Variants in DRD2 observed in about 807,000 individuals in gnomAD.
DRD2 encodes dopamine receptor D2.
Under a neutral mutation model 38.0 loss-of-function variants are expected in DRD2, and 8 were observed. That is an observed-to-expected ratio of 0.21 (90% CI 0.12 to 0.38). DRD2 has a LOEUF of 0.38. Among genes scored for constraint, DRD2 ranks in the 10% least tolerant of loss-of-function variants. The probability of loss-of-function intolerance (pLI) is 1.00; values close to 1 mark genes in which losing one functional copy is unlikely to be tolerated. For synonymous variants in DRD2, 230 were observed against 238.6 expected, an observed-to-expected ratio of 0.96 and a Z score of 0.33; for missense variants, 403 against 607.7, an observed-to-expected ratio of 0.66 and a Z score of 3.54.
chr11:113,438,865 T>C lies in DRD2; in HGVS notation c.-31-14183A>G, dbSNP rs900318562. 2.6e-5 allele frequency among the ~76,000 whole-genome samples: 4 copies of C among 152,206 alleles called. 1 individual carries two copies. The highest frequency in any genetic ancestry group is 4.8e-5 in the African/African-American group (2 of 41,452). ...TCAGGTATCATGCAATCATCAGCAC[T>C]GCATTATTATTGTCTCACTGTGTGG... On this transcript the variant is annotated intron_variant, in intron 1 of 7. Transcript: ENST00000362072.
intron 1 of DRD2, among the ~76,000 whole-genome samples, chr11:113,458,645 T>TTGTG (rs1212486452): frequency 6.6e-6 from 1 of 152,196 alleles, no homozygotes; most frequent in African/African-American, 2.4e-5. Context: ...GCTTTGATTA[T>TTGTG]TGTGTGTGTG....
chr11:113,414,787 T>A (rs1345683646), intron 5 of DRD2, among the ~76,000 whole-genome samples: 1 of 152,160 alleles, frequency 6.6e-6, no homozygotes, highest in Non-Finnish European at 1.5e-5. Context: ...ATTTAACAGA[T>A]GAGGAAACAG....
intron 1 of DRD2, among the ~76,000 whole-genome samples, chr11:113,428,310 C>T (rs1161317808): frequency 6.6e-6 from 1 of 152,224 alleles, no homozygotes; most frequent in Admixed American, 6.5e-5. Context: ...CCCCACAGGG[C>T]ACCCTGCCAG....
intron 1 of DRD2, among the ~76,000 whole-genome samples, chr11:113,429,796 A>T (rs889750441): frequency 2.0e-5 from 3 of 152,228 alleles, no homozygotes; most frequent in African/African-American, 7.2e-5. Context: ...TCCCAACTCT[A>T]CCATTTACTA....
chr11:113,413,868 C>T (rs1200258896), intron 6 of DRD2: 1 of 241,398 alleles, frequency 4.1e-6, no homozygotes, highest in Admixed American at 5.0e-5. Context: ...TCTGCTGCGT[C>T]CTACCCCAGA....
chr11:113,423,149 TG>T (rs1422322143), intron 2 of DRD2, among the ~76,000 whole-genome samples: 1 of 152,224 alleles, frequency 6.6e-6, no homozygotes, highest in Non-Finnish European at 1.5e-5. Context: ...TCGCTGGCTC[TG>T]AAGGTGTCTT....
chr11:113,436,426 A>G (rs911132656), intron 1 of DRD2, among the ~76,000 whole-genome samples: 1 of 152,250 alleles, frequency 6.6e-6, no homozygotes, highest in African/African-American at 2.4e-5. Flanking sequence ...TGATTCAAAG[A>G]AACCAATTTT....
intron 1 of DRD2, among the ~76,000 whole-genome samples, chr11:113,435,834 A>T (rs956663123): frequency 2.0e-5 from 3 of 152,178 alleles, no homozygotes; most frequent in Admixed American, 6.5e-5. Context: ...CTTTAATTTC[A>T]GGAAAGAATT....
At chr11:113,458,898 G>A (rs1951291501) in intron 1 of DRD2, among the ~76,000 whole-genome samples, 1 of 152,138 alleles carries the variant, frequency 6.6e-6, no homozygotes, top group Non-Finnish European at 1.5e-5. Flanking sequence ...ACATGCTGGG[G>A]GCAGCGATGG....
At chr11:113,441,443 T>C (rs1451886914) in intron 1 of DRD2, among the ~76,000 whole-genome samples, 1 of 152,194 alleles carries the variant, frequency 6.6e-6, no homozygotes, top group African/African-American at 2.4e-5. Flanking sequence ...TGGGCTCACA[T>C]AGCATTGTTG....
intron 1 of DRD2, among the ~76,000 whole-genome samples, chr11:113,427,499 C>A (rs1243917319): frequency 6.6e-6 from 1 of 152,110 alleles, no homozygotes; most frequent in Non-Finnish European, 1.5e-5. Context: ...TTGCTCATTC[C>A]TCCTCTTGTT....
intron 1 of DRD2, among the ~76,000 whole-genome samples, chr11:113,451,490 A>ATTAT (rs962625846): frequency 9.2e-5 from 14 of 151,856 alleles, no homozygotes; most frequent in African/African-American, 2.9e-4. Flanking sequence ...TCTTTTATTT[A>ATTAT]TTATTTATTT....
chr11:113,436,177 C>T (rs542566123), intron 1 of DRD2, among the ~76,000 whole-genome samples: 1 of 152,196 alleles, frequency 6.6e-6, no homozygotes, highest in South Asian at 2.1e-4. Context: ...TTGAGGACTC[C>T]CACACAAATA....
At chr11:113,473,843 A>G (rs1252264447) in intron 1 of DRD2, among the ~76,000 whole-genome samples, 5 of 152,236 alleles carry the variant, frequency 3.3e-5, no homozygotes, top group African/African-American at 4.8e-5. Flanking sequence ...AGTGGTCCTA[A>G]TGCTGCAGGA....
intron 1 of DRD2, among the ~76,000 whole-genome samples, chr11:113,468,063 G>C (rs972747756): frequency 6.6e-6 from 1 of 152,170 alleles, no homozygotes; most frequent in Non-Finnish European, 1.5e-5. Context: ...AATCATTACA[G>C]TTAACATTTA....
rs1278872016 is a variant in DRD2, at chr11:113,412,821, C to T, written c.873G>A (p.Glu291=). 1.2e-6 allele frequency: 2 copies of T among 1,613,220 alleles called. No homozygotes were observed. Among genetic ancestry groups the T allele is most frequent in the Non-Finnish European group, 1.7e-6 (2 of 1,179,780 alleles). The part of the protein sequence containing the change: ...MEMLSSTSPP[E]RTRYSPIPPS... ...GTGGGATGGGGCTGTACCGGGTCCTCTCGGGTGGGCTGGTGCTGGAGAGCA... is the reference window on the plus strand; with the variant it reads ...GTGGGATGGGGCTGTACCGGGTCCTTTCGGGTGGGCTGGTGCTGGAGAGCA... Residue 291 remains glutamate (E), a synonymous_variant, in exon 7 of 8, where the codon GAG becomes GAA. Coordinates refer to ENST00000362072, the MANE Select transcript of DRD2 (RefSeq NM_000795.4).
chr11:113,452,479 C>CGT (rs1488511809), intron 1 of DRD2, among the ~76,000 whole-genome samples: 18 of 121,050 alleles, frequency 1.5e-4, no homozygotes, highest in South Asian at 5.7e-4. Flanking sequence ...TGCGCGCGCG[C>CGT]GCGCGCGCAC....
intron 4 of DRD2, among the ~76,000 whole-genome samples, chr11:113,415,895 T>C (rs942475834): frequency 6.6e-6 from 1 of 152,250 alleles, no homozygotes; most frequent in African/African-American, 2.4e-5. Context: ...AGTTTTGCCA[T>C]GTCTGGGCAT....
chr11:113,410,771 T>C lies in DRD2; in HGVS notation c.1288A>G (p.Asn430Asp). The change falls in exon 8 of 8, where the codon AAC (asparagine) becomes GAC (aspartate). Residue 430 changes from asparagine to aspartate, a missense_variant. Transcript: ENST00000362072. ...AVNPIIYTTF[N>D]IEFRKAFLKI... ...AGGAAGGCCTTGCGGAACTCAATGT[T>C]GAAGGTGGTGTAGATGATGGGGTTC... The C allele has an allele frequency of 6.2e-7, 1 of 1,614,176 alleles. No homozygotes were observed. Among genetic ancestry groups the C allele is most frequent in the Non-Finnish European group, 8.5e-7 (1 of 1,180,024 alleles).
Sources: gnomAD v4.1 joint callset for allele counts (sites outside exome capture counted in the v4.1 genomes callset) on GRCh38, gnomAD v4.1.1 for gene constraint, MANE v1.5 for transcripts, NCBI Gene and HGNC (gene_info 2026-07-23, HGNC 2026-07-21) for gene names.